Variants in PHACTR4 observed in about 807,000 individuals in gnomAD.
PHACTR4 encodes protein phosphatase 1, regulatory subunit 124.
Under a neutral mutation model 72.7 loss-of-function variants are expected in PHACTR4, and 51 were observed. That is an observed-to-expected ratio of 0.70 (90% confidence interval 0.56 to 0.89). The LOEUF (loss-of-function observed/expected upper bound fraction) is 0.89. Among genes scored for constraint, PHACTR4 ranks in the 40% least tolerant of loss-of-function variants. The pLI is 0.00. For synonymous variants in PHACTR4, 255 were observed against 302.5 expected, an observed-to-expected ratio of 0.84 and a Z score of 1.63; for missense variants, 731 against 861.8, an observed-to-expected ratio of 0.85 and a Z score of 1.90.
At chr1:28,440,307 GA>G (rs1206889147) in intron 2 of PHACTR4, among the ~76,000 whole-genome samples, 23,688 of 83,156 alleles carry the variant, frequency 0.28, 2,591 homozygotes, top group African/African-American at 0.41. Context: ...GTCTCAAAAA[GA>G]AAAAAAAAAA....
intron 1 of PHACTR4, among the ~76,000 whole-genome samples, chr1:28,399,168 T>G (rs1216491363): frequency 6.6e-6 from 1 of 151,598 alleles, no homozygotes; most frequent in Non-Finnish European, 1.5e-5. Context: ...AAAAATTAGC[T>G]GGGTGTGGTG....
chr1:28,390,098 A>T (rs1463677820), intron 1 of PHACTR4, among the ~76,000 whole-genome samples: 1 of 152,208 alleles, frequency 6.6e-6, no homozygotes, highest in Non-Finnish European at 1.5e-5. Context: ...TATTACATTA[A>T]GTGAAGTCAG....
chr1:28,454,397 C>T (rs560450728), intron 2 of PHACTR4, among the ~76,000 whole-genome samples: 1 of 151,464 alleles, frequency 6.6e-6, no homozygotes, highest in Non-Finnish European at 1.5e-5. Context: ...CTGCCTCAGC[C>T]TCCCTAGTAG....
chr1:28,491,936 A>G (rs537338435), intron 12 of PHACTR4, 149 bp downstream of exon 12: 8 of 1,035,620 alleles, frequency 7.7e-6, no homozygotes, highest in Non-Finnish European at 1.1e-5. Context: ...CAAAATGCCA[A>G]GTTGAACAAG....
rs751928561 is a variant in PHACTR4, at chr1:28,369,799, G to A, written c.-65G>A. 18 of 459,422 alleles carry A rather than the reference G, an allele frequency of 3.9e-5. No individual in the cohort carries two copies. The highest frequency in any genetic ancestry group is 7.4e-5 in the Non-Finnish European group (17 of 230,036). 28.5% of individuals were successfully genotyped at this position (459,422 alleles called of 1,614,324 possible). ...ATTTCCGGGAGAGGCTGCTGTGGAG[G>A]CTGAGGAGGCGGCGGCGGAGATCTG... On this transcript the variant is annotated 5_prime_UTR_variant, in exon 1 of 14. Coordinates refer to ENST00000373839, the MANE Select transcript of PHACTR4 (RefSeq NM_001048183.3).
rs956480938 is a variant in PHACTR4, at chr1:28,459,344, C to A, written c.190+86C>A. The A allele has an allele frequency of 3.8e-6, 4 of 1,064,214 alleles. No homozygotes were observed. The Admixed American group carries it at 7.3e-5, about 19-fold the overall frequency. The allele number at this position is 1,064,214 out of a possible 1,614,324, so 65.9% of individuals were successfully genotyped here. Reference sequence around the variant, plus strand: ...AATTTTTCCTTATCTTCCCAAGTTTCTGTAGTCCTCTATTTGAAGAGGGTA... The same window carrying A: ...AATTTTTCCTTATCTTCCCAAGTTTATGTAGTCCTCTATTTGAAGAGGGTA... On this transcript the variant is annotated intron_variant, in intron 3 of 13. Coordinates refer to ENST00000373839, the MANE Select transcript of PHACTR4 (RefSeq NM_001048183.3).
chr1:28,427,512 C>T (rs900298096), intron 2 of PHACTR4, among the ~76,000 whole-genome samples: 3 of 151,754 alleles, frequency 2.0e-5, no homozygotes, highest in African/African-American at 7.3e-5. Context: ...GGCAACAGAG[C>T]GAGACCCTGT....
At chr1:28,404,555 T>C (rs556469451) in intron 1 of PHACTR4, among the ~76,000 whole-genome samples, 1 of 152,272 alleles carries the variant, frequency 6.6e-6, no homozygotes, top group Non-Finnish European at 1.5e-5. Context: ...AGTGCTGGGA[T>C]TACAGGCGTG....
chr1:28,460,689 A>G (rs1383585268), intron 4 of PHACTR4, among the ~76,000 whole-genome samples: 2 of 152,136 alleles, frequency 1.3e-5, no homozygotes, highest in Non-Finnish European at 2.9e-5. Context: ...TTGACTTTTT[A>G]GTAGAGATGG....
At chr1:28,378,933 T>G (rs543645727) in intron 1 of PHACTR4, among the ~76,000 whole-genome samples, 1 of 152,182 alleles carries the variant, frequency 6.6e-6, no homozygotes, top group African/African-American at 2.4e-5. Context: ...CTAGGTTTAT[T>G]TATTTTTATT....
In PHACTR4 at chr1:28,445,019, G is replaced by A. The variant is rs539755137; in HGVS notation, c.17-14066G>A. ...TTGCCCAGGCGGAGTGCAGTGGCACGATTTCAGCTCACTGCAACCTCCACC... is the reference window on the plus strand; with the variant it reads ...TTGCCCAGGCGGAGTGCAGTGGCACAATTTCAGCTCACTGCAACCTCCACC... On this transcript the variant is annotated intron_variant, in intron 2 of 13. Coordinates refer to ENST00000373839, the MANE Select transcript of PHACTR4 (RefSeq NM_001048183.3). Among the ~76,000 whole-genome samples, 674 of 151,770 alleles carry A rather than the reference G, an allele frequency of 4.4e-3. 3 individuals are homozygous for A. The highest frequency in any genetic ancestry group is 8.0e-3 in the Non-Finnish European group (546 of 67,932).
chr1:28,454,775 C>G (rs1658250061), intron 2 of PHACTR4, among the ~76,000 whole-genome samples: 1 of 152,136 alleles, frequency 6.6e-6, no homozygotes, highest in Non-Finnish European at 1.5e-5. Flanking sequence ...GAAGAAACAA[C>G]TGTAAGCTTC....
intron 2 of PHACTR4, among the ~76,000 whole-genome samples, chr1:28,452,309 C>A (rs140843254): frequency 1.3e-5 from 2 of 151,966 alleles, no homozygotes; most frequent in African/African-American, 4.8e-5. Flanking sequence ...AGTTCAAGGT[C>A]GACCTGGGCG....
At chr1:28,465,142 G>C (rs1002252529) in intron 4 of PHACTR4, among the ~76,000 whole-genome samples, 5 of 152,126 alleles carry the variant, frequency 3.3e-5, no homozygotes, top group African/African-American at 1.2e-4. Flanking sequence ...AGGAAGACGA[G>C]GGAAAGAAGA....
intron 8 of PHACTR4, among the ~76,000 whole-genome samples, chr1:28,479,186 C>T (rs552114017): frequency 6.6e-5 from 10 of 151,826 alleles, no homozygotes; most frequent in East Asian, 1.9e-4. Context: ...TTTGGGAGGC[C>T]GAGGCAGGCG....
At chr1:28,400,081 A>C (rs1219922302) in intron 1 of PHACTR4, among the ~76,000 whole-genome samples, 1 of 152,160 alleles carries the variant, frequency 6.6e-6, no homozygotes, top group Non-Finnish European at 1.5e-5. Context: ...CGTGGTAAGA[A>C]ATTTGCAGTT....
chr1:28,430,815 C>T (rs1399734665), intron 2 of PHACTR4, among the ~76,000 whole-genome samples: 2 of 152,114 alleles, frequency 1.3e-5, no homozygotes, highest in African/African-American at 2.4e-5. Context: ...AATTTGTATT[C>T]ATACTTCAGC....
rs759949358 is a variant in PHACTR4, at chr1:28,491,811, T to C, written c.2016+24T>C. On this transcript the variant is annotated intron_variant, in intron 12 of 13. Coordinates refer to ENST00000373839, the MANE Select transcript of PHACTR4 (RefSeq NM_001048183.3). ...AGGTACCTGGAAAGCACTCTCTTGC[T>C]TTTTTTCTCTTTCTCTTTTTCTCTT... 7 of 1,599,960 alleles carry C rather than the reference T, an allele frequency of 4.4e-6. No individual in the cohort carries two copies. The South Asian group carries it at 4.5e-5, about 10-fold the overall frequency.
At chr1:28,370,863 G>A (rs565693272) in intron 1 of PHACTR4, among the ~76,000 whole-genome samples, 1 of 152,196 alleles carries the variant, frequency 6.6e-6, no homozygotes, top group African/African-American at 2.4e-5. Context: ...GCTGAGGCAG[G>A]AGAATCGCTT....
Sources: gnomAD v4.1 joint callset for allele counts (sites outside exome capture counted in the v4.1 genomes callset) on GRCh38, gnomAD v4.1.1 for gene constraint, MANE v1.5 for transcripts, NCBI Gene and HGNC (gene_info 2026-07-23, HGNC 2026-07-21) for gene names.